Variants in TAFA5 observed in about 807,000 individuals in gnomAD.
TAFA5 encodes the protein TAFA chemokine like family member 5.
A neutral mutation model predicts 15.3 loss-of-function variants in TAFA5; 6 were observed. That is an observed-to-expected ratio of 0.39 (90% CI 0.21 to 0.77). TAFA5 has a LOEUF of 0.77. TAFA5 is among the 30% of genes least tolerant of loss of function. The probability of loss-of-function intolerance (pLI) is 0.41; values close to 1 mark genes in which losing one functional copy is unlikely to be tolerated. For synonymous variants in TAFA5, 103 were observed against 80.7 expected, an observed-to-expected ratio of 1.28 and a Z score of -1.48; for missense variants, 161 against 193.1, an observed-to-expected ratio of 0.83 and a Z score of 0.98.
intron 1 of TAFA5, chr22:48,543,841 C>A (rs1289402879): frequency 2.0e-5 from 3 of 152,374 alleles, no homozygotes; most frequent in Non-Finnish European, 4.4e-5. Flanking sequence ...TCCGGGCTTC[C>A]AAGATAACTC....
At chr22:48,584,285 C>A (rs1280857297) in intron 1 of TAFA5, among the ~76,000 whole-genome samples, 1 of 17,316 alleles carries the variant, frequency 5.8e-5, no homozygotes, top group Non-Finnish European at 1.5e-4. Context: ...ACACACACAC[C>A]ACACACAGCA....
chr22:48,493,272 AG>A (rs1928217551), intron 1 of TAFA5, among the ~76,000 whole-genome samples: 2 of 152,366 alleles, frequency 1.3e-5, no homozygotes, highest in Admixed American at 1.3e-4. Flanking sequence ...GAAGACAGAC[AG>A]GTTCACTATG....
chr22:48,674,764 G>A (rs1927917259), intron 2 of TAFA5, among the ~76,000 whole-genome samples: 1 of 152,146 alleles, frequency 6.6e-6, no homozygotes, highest in South Asian at 2.1e-4. Context: ...AGTGTGATGG[G>A]AGATTTGCAG....
At chr22:48,656,606 A>G (rs76182783) in intron 2 of TAFA5, among the ~76,000 whole-genome samples, 5,775 of 152,240 alleles carry the variant, frequency 0.038, 191 homozygotes, top group East Asian at 0.13. Context: ...AAGAGTAAAC[A>G]ATATCTACAT....
At chr22:48,531,467 T>A (rs1280207776) in intron 1 of TAFA5, among the ~76,000 whole-genome samples, 1 of 152,136 alleles carries the variant, frequency 6.6e-6, no homozygotes, top group Non-Finnish European at 1.5e-5. Flanking sequence ...TGGCCTGGGA[T>A]CTGGCAGACT....
At chr22:48,539,953 G>A (rs1295474339) in intron 1 of TAFA5, among the ~76,000 whole-genome samples, 1 of 152,074 alleles carries the variant, frequency 6.6e-6, no homozygotes, top group Non-Finnish European at 1.5e-5. Context: ...AGTTTGGTTC[G>A]ATTCCAGCAC....
At chr22:48,722,021 G>C (rs1411326666) in intron 3 of TAFA5, among the ~76,000 whole-genome samples, 1 of 152,142 alleles carries the variant, frequency 6.6e-6, no homozygotes, top group Non-Finnish European at 1.5e-5. Context: ...TGTCTTTATA[G>C]TAGAATGATT....
At chr22:48,672,949 C>T (rs987844446) in intron 2 of TAFA5, among the ~76,000 whole-genome samples, 10 of 152,164 alleles carry the variant, frequency 6.6e-5, no homozygotes, top group Admixed American at 4.6e-4. Flanking sequence ...GTGCTCAGAG[C>T]CCTGGATGCC....
chr22:48,556,113 G>A (rs991679474), intron 1 of TAFA5, among the ~76,000 whole-genome samples: 1 of 152,230 alleles, frequency 6.6e-6, no homozygotes, highest in African/African-American at 2.4e-5. Flanking sequence ...AAACTCCTGG[G>A]CCACTGATGG....
chr22:48,742,244 C>T lies in TAFA5; in HGVS notation c.391-7595C>T, dbSNP rs916374916. On this transcript the variant is annotated intron_variant, in intron 3 of 3. Coordinates refer to ENST00000402357, the MANE Select transcript of TAFA5 (RefSeq NM_001082967.3). The surrounding 1 kb of genome is among the most constrained non-coding windows in gnomAD (Gnocchi z 6.2). ...GCACAGCCCTGCCCCACCCCACAGG[C>T]CCCTCATCCTTCACCAGGCACAGGT... Among the ~76,000 whole-genome samples the T allele has an allele frequency of 2.0e-5, 3 of 151,454 alleles. No individual in the cohort carries two copies. Among genetic ancestry groups the T allele is most frequent in the Non-Finnish European group, 4.4e-5 (3 of 67,886 alleles).
intron 2 of TAFA5, among the ~76,000 whole-genome samples, chr22:48,690,415 C>G (rs1198850376): frequency 6.6e-6 from 1 of 152,026 alleles, no homozygotes; most frequent in Non-Finnish European, 1.5e-5. Flanking sequence ...ACAGCCGTAC[C>G]AGGGCCTGTG....
At chr22:48,597,779 G>A (rs1207860603) in intron 1 of TAFA5, among the ~76,000 whole-genome samples, 3 of 152,254 alleles carry the variant, frequency 2.0e-5, no homozygotes, top group Admixed American at 6.5e-5. Flanking sequence ...CCAGACACAC[G>A]TGGTAGGCAC....
chr22:48,546,611 G>A (rs1922681495), intron 1 of TAFA5: 1 of 471,144 alleles, frequency 2.1e-6, no homozygotes, highest in Non-Finnish European at 4.4e-6. Flanking sequence ...ATCCTAAAAG[G>A]ATCAAGAGTG....
intron 3 of TAFA5, among the ~76,000 whole-genome samples, chr22:48,720,790 G>A (rs1479988633): frequency 6.6e-6 from 1 of 152,184 alleles, no homozygotes; most frequent in African/African-American, 2.4e-5. Context: ...ACGTATTTCT[G>A]AGCAGCACCT....
chr22:48,634,120 G>GCTCACTCACTCACTCGCTCACTCACTCA (rs1926348428), intron 1 of TAFA5, among the ~76,000 whole-genome samples: 10 of 150,856 alleles, frequency 6.6e-5, no homozygotes, highest in African/African-American at 2.2e-4. Context: ...TCACTCACTC[G>GCTCACTCACTCACTCGCTCACTCACTCA]CTCACTCACT....
chr22:48,546,754 G>A (rs739155), intron 1 of TAFA5: 209,206 of 366,524 alleles, frequency 0.57, 64,242 homozygotes, highest in Middle Eastern at 0.74. Context: ...TGCAGTTCTG[G>A]AAAGGCTCAC....
intron 3 of TAFA5, among the ~76,000 whole-genome samples, chr22:48,743,358 C>A (rs766260911): frequency 6.6e-6 from 1 of 152,226 alleles, no homozygotes; most frequent in Non-Finnish European, 1.5e-5. Context: ...CTGCATGGGG[C>A]CTGCTGCTCT....
intron 1 of TAFA5, among the ~76,000 whole-genome samples, chr22:48,557,224 T>C (rs1923072180): frequency 6.6e-6 from 1 of 152,060 alleles, no homozygotes; most frequent in African/African-American, 2.4e-5. Context: ...AAAGAGGTGA[T>C]TAAGGTTAAA....
At chr22:48,495,036 A>G (rs1197295466) in intron 1 of TAFA5, among the ~76,000 whole-genome samples, 2 of 152,322 alleles carry the variant, frequency 1.3e-5, no homozygotes, top group African/African-American at 4.8e-5. Flanking sequence ...TGCCAGCAGC[A>G]TCCTGCGGGA....
Sources: gnomAD v4.1 joint callset for allele counts (sites outside exome capture counted in the v4.1 genomes callset) on GRCh38, gnomAD v4.1.1 for gene constraint, Gnocchi (gnomAD v3.1) non-coding constraint, MANE v1.5 for transcripts, NCBI Gene and HGNC (gene_info 2026-07-23, HGNC 2026-07-21) for gene names.